The following CERS6 variants were observed in gnomAD, a reference collection of about 807,000 sequenced individuals.
The protein encoded by CERS6 is ceramide synthase 6.
In CERS6, 26 loss-of-function variants were observed where a neutral mutation model predicts 56.8. That is an observed-to-expected ratio of 0.46 (90% confidence interval 0.34 to 0.63). The LOEUF is 0.63. Ranked by LOEUF, CERS6 falls within the 30% of genes least tolerant of loss-of-function variation. The probability of loss-of-function intolerance (pLI) is 0.01; values close to 1 mark genes in which losing one functional copy is unlikely to be tolerated. For synonymous variants in CERS6, 164 were observed against 173.3 expected (o/e 0.95, Z 0.42); for missense variants, 415 against 467.5 (o/e 0.89, Z 1.04).
At chr2:168,628,166 T>A (rs1056762963) in intron 3 of CERS6, among the ~76,000 whole-genome samples, 18 of 152,322 alleles carry the variant, frequency 1.2e-4, no homozygotes, top group Middle Eastern at 3.4e-3. Flanking sequence ...GTTCTTCCTT[T>A]GAATCTTTAA....
chr2:168,707,546 G>C (rs549360604), intron 6 of CERS6, among the ~76,000 whole-genome samples: 2 of 152,156 alleles, frequency 1.3e-5, no homozygotes, highest in Non-Finnish European at 2.9e-5. Context: ...GAGTTTCGAA[G>C]AGCCTTATGT....
At chr2:168,673,702 G>A (rs1032102761) in intron 4 of CERS6, among the ~76,000 whole-genome samples, 2 of 152,126 alleles carry the variant, frequency 1.3e-5, no homozygotes, top group African/African-American at 2.4e-5. Flanking sequence ...CCTATTCCCT[G>A]CTTTTTCAGT....
At chr2:168,502,070 C>A (rs1694590190) in intron 1 of CERS6, among the ~76,000 whole-genome samples, 1 of 151,810 alleles carries the variant, frequency 6.6e-6, no homozygotes. Context: ...TAGGGACTTA[C>A]CTGGGTTGTA....
intron 1 of CERS6, among the ~76,000 whole-genome samples, chr2:168,542,613 A>C (rs1192788420): frequency 6.6e-6 from 1 of 152,208 alleles, no homozygotes. Flanking sequence ...GAACAATGAC[A>C]TATGTTTATT....
chr2:168,581,734 C>T (rs1239225519), intron 3 of CERS6, among the ~76,000 whole-genome samples: 2 of 152,098 alleles, frequency 1.3e-5, no homozygotes, highest in Admixed American at 6.5e-5. Context: ...AGTTGTTTTA[C>T]AATCTGTATT....
chr2:168,724,984 G>A (rs991866863), intron 8 of CERS6, among the ~76,000 whole-genome samples: 1 of 152,208 alleles, frequency 6.6e-6, no homozygotes, highest in African/African-American at 2.4e-5. Context: ...CCCCACAGGA[G>A]CCCACGGAGG....
rs184642890 is a variant in CERS6, at chr2:168,578,076, G to A, written c.407+16754G>A. Among the ~76,000 whole-genome samples, 321 of 152,280 alleles carry A rather than the reference G, an allele frequency of 2.1e-3. 2 individuals carry two copies. The highest frequency in any genetic ancestry group is 7.2e-3 in the African/African-American group (301 of 41,556). On this transcript the variant is annotated intron_variant, in intron 3 of 9. Transcript: ENST00000305747. ...GGAATGGGAAACTAGGTTGAAAGCAGCGTTGGGAGGTTTGGAGCCCTCGCT... is the reference window on the plus strand; with the variant it reads ...GGAATGGGAAACTAGGTTGAAAGCAACGTTGGGAGGTTTGGAGCCCTCGCT...
intron 4 of CERS6, among the ~76,000 whole-genome samples, chr2:168,631,458 TA>T (rs1266238722): frequency 3.9e-5 from 5 of 128,746 alleles, no homozygotes; most frequent in African/African-American, 8.7e-5. Flanking sequence ...ATATATTATA[TA>T]AAAATATAAT....
intron 3 of CERS6, among the ~76,000 whole-genome samples, chr2:168,588,217 G>A (rs914725653): frequency 8.6e-5 from 13 of 151,910 alleles, no homozygotes; most frequent in Non-Finnish European, 2.9e-5. Context: ...ACTGCACCTG[G>A]CCTTTTGTAT....
intron 4 of CERS6, among the ~76,000 whole-genome samples, chr2:168,679,438 A>G (rs905945774): frequency 4.6e-5 from 7 of 152,242 alleles, no homozygotes; most frequent in Non-Finnish European, 8.8e-5. Flanking sequence ...CTCCATAAGT[A>G]TGTACAATTA....
intron 1 of CERS6, among the ~76,000 whole-genome samples, chr2:168,495,576 G>A (rs1010468634): frequency 6.6e-6 from 1 of 152,182 alleles, no homozygotes; most frequent in South Asian, 2.1e-4. Context: ...TCCCAGGAGG[G>A]TGAAGGGCCA....
intron 4 of CERS6, among the ~76,000 whole-genome samples, chr2:168,662,456 C>T (rs1041729540): frequency 2.0e-5 from 3 of 152,066 alleles, no homozygotes; most frequent in Non-Finnish European, 2.9e-5. Context: ...GGGCCAGGCA[C>T]GGTGGCTCAT....
At chr2:168,686,733 A>G (rs1287252421) in intron 4 of CERS6, among the ~76,000 whole-genome samples, 2 of 152,142 alleles carry the variant, frequency 1.3e-5, no homozygotes, top group African/African-American at 2.4e-5. Flanking sequence ...CAGCTGGCCT[A>G]GGTTTGATTT....
chr2:168,630,901 A>G lies in CERS6; in HGVS notation c.408-84A>G, dbSNP rs184731915. On this transcript the variant is annotated intron_variant, in intron 3 of 9. Transcript: ENST00000305747. ...TAGGGGGACAAATTTAATTTAATGA[A>G]CTCTTTTCCCTCCCTTACATATTTC... 1.9e-5 allele frequency: 11 copies of G among 593,468 alleles called. No homozygotes were observed. The Admixed American group carries it at 2.8e-4, about 15-fold the overall frequency. The allele number at this position is 593,468 out of a possible 1,614,324, so 36.8% of individuals were successfully genotyped here. A position where few individuals can be genotyped will look rare whatever the true frequency, so the allele number is the denominator to read the frequency against.
chr2:168,465,450 C>T (rs1246127084), intron 1 of CERS6, among the ~76,000 whole-genome samples: 3 of 152,208 alleles, frequency 2.0e-5, no homozygotes, highest in Non-Finnish European at 4.4e-5. Context: ...TCACCTCCCA[C>T]AGGCCCCACC....
intron 3 of CERS6, among the ~76,000 whole-genome samples, chr2:168,579,808 C>G (rs895524448): frequency 6.6e-6 from 1 of 152,140 alleles, no homozygotes; most frequent in Non-Finnish European, 1.5e-5. Flanking sequence ...CAGCTCCTCT[C>G]GCTGCGTGTC....
chr2:168,545,808 A>C (rs1482338086), intron 1 of CERS6, among the ~76,000 whole-genome samples: 1 of 152,186 alleles, frequency 6.6e-6, no homozygotes, highest in Non-Finnish European at 1.5e-5. Flanking sequence ...TGAAGAAAGA[A>C]GACTGTACTG....
intron 1 of CERS6, among the ~76,000 whole-genome samples, chr2:168,475,329 T>C (rs528884990): frequency 4.0e-4 from 61 of 152,300 alleles, no homozygotes; most frequent in Admixed American, 2.5e-3. Context: ...GCAGCTATTA[T>C]GACGCATCAC....
chr2:168,757,295 C>A (rs1461939973), intron 8 of CERS6, among the ~76,000 whole-genome samples: 1 of 149,634 alleles, frequency 6.7e-6, no homozygotes, highest in Non-Finnish European at 1.5e-5. Flanking sequence ...GTAGACCAGG[C>A]AGTGGCAGAA....
Sources: gnomAD v4.1 joint callset for allele counts (sites outside exome capture counted in the v4.1 genomes callset) on GRCh38, gnomAD v4.1.1 for gene constraint, MANE v1.5 for transcripts, NCBI Gene and HGNC (gene_info 2026-07-23, HGNC 2026-07-21) for gene names.